The following PAXIP1 variants were observed in gnomAD, a reference collection of about 807,000 sequenced individuals.
PAXIP1 encodes the protein PAX-interacting protein 1.
Under a neutral mutation model 140.6 loss-of-function variants are expected in PAXIP1, and 19 were observed. That is an observed-to-expected ratio of 0.14 (90% CI 0.09 to 0.20). PAXIP1 has a LOEUF of 0.20. PAXIP1 is among the 10% of genes least tolerant of loss of function. The pLI, the probability that PAXIP1 is intolerant of heterozygous loss-of-function variation, is 1.00. For missense variants in PAXIP1, 920 were observed against 1,208.6 expected, an observed-to-expected ratio of 0.76 and a Z score of 3.54; for synonymous variants, 442 against 444.6, an observed-to-expected ratio of 0.99 and a Z score of 0.07.
intron 20 of PAXIP1, chr7:154,945,981 C>CA (rs1213153035): frequency 2.0e-6 from 2 of 984,932 alleles, no homozygotes; most frequent in Non-Finnish European, 2.4e-6. Flanking sequence ...TTCCTGAGTA[C>CA]AAAGACTATA....
At chr7:155,002,095 A>G (rs2150793933) in intron 1 of PAXIP1, 1 of 152,410 alleles carries the variant, frequency 6.6e-6, no homozygotes, top group Middle Eastern at 3.4e-3. Flanking sequence ...CATTCCTACC[A>G]CGGACTGATA....
In PAXIP1 at chr7:154,961,396, C is replaced by G. The variant is rs1341486718; in HGVS notation, c.2249+131G>C. On this transcript the variant is annotated intron_variant, in intron 11 of 20. Transcript: ENST00000404141. ...CTAACATTACTATATCATTGTCATACTTTAACAGACTTTGATTTCCACAAA... is the reference window on the plus strand; with the variant it reads ...CTAACATTACTATATCATTGTCATAGTTTAACAGACTTTGATTTCCACAAA... 4 of 711,316 alleles carry G rather than the reference C, an allele frequency of 5.6e-6. No homozygotes were observed. The East Asian group carries it at 8.2e-5, about 15-fold the overall frequency. 44.1% of individuals were successfully genotyped at this position (711,316 alleles called of 1,614,324 possible).
chr7:154,993,477 C>T (rs757081856), intron 3 of PAXIP1, among the ~76,000 whole-genome samples: 3 of 152,080 alleles, frequency 2.0e-5, no homozygotes, highest in African/African-American at 2.4e-5. Context: ...TGAAGAGAAC[C>T]GGAGCTCCTG....
At chr7:154,998,919 C>T (rs1810762333) in intron 1 of PAXIP1, 135 bp from the exon 2 acceptor site, 1 of 749,338 alleles carries the variant, frequency 1.3e-6, no homozygotes, top group Non-Finnish European at 2.1e-6. Context: ...AAACTAACAG[C>T]CTTTTACTCT....
Position 154,963,957 on chromosome 7 carries a change from C to A in PAXIP1, c.1894-191G>T. The A allele has an allele frequency of 1.8e-6, 1 of 557,322 alleles. No homozygotes were observed. Among genetic ancestry groups the A allele is most frequent in the Non-Finnish European group, 3.2e-6 (1 of 309,170 alleles). The allele number at this position is 557,322 out of a possible 1,614,324, so 34.5% of individuals were successfully genotyped here. A position where few individuals can be genotyped will look rare whatever the true frequency, so the allele number is the denominator to read the frequency against. On this transcript the variant is annotated intron_variant, in intron 8 of 20. Coordinates refer to ENST00000404141, the MANE Select transcript of PAXIP1 (RefSeq NM_007349.4). The surrounding 1 kb of genome is among the most constrained non-coding windows in gnomAD (Gnocchi z 4.1). ...AGCACCATACAATGAAAATGAACTC[C>A]AATACTCTAAATTTAATCTGAATTC...
chr7:154,975,587 G>C, intron 6 of PAXIP1, 109 bp downstream of exon 6: 1 of 690,126 alleles, frequency 1.4e-6, no homozygotes, highest in Admixed American at 2.8e-5. Context: ...AATACTGCTT[G>C]TAAGTTATTT....
chr7:154,961,465 T>G (rs1808751034), intron 11 of PAXIP1, 62 bp downstream of exon 11: 2 of 1,350,674 alleles, frequency 1.5e-6, no homozygotes, highest in Admixed American at 5.5e-5. Flanking sequence ...GCACAATTAT[T>G]GAAATAGCCA....
rs1243574385 is a variant in PAXIP1, at chr7:154,976,257, T to A, written c.513A>T (p.Ser171=). ...ATGCTTCGTCCTTTTTGGTTTTCTC[T>A]GATACGCAATCCAGAACCCAGTCAG... The part of the protein sequence containing the change: ...VTPDWVLDCV[S]EKTKKDEAFY... Residue 171 remains serine (S), a synonymous_variant, in exon 6 of 21, where the codon TCA becomes TCT. Coordinates refer to ENST00000404141, the MANE Select transcript of PAXIP1 (RefSeq NM_007349.4). The A allele has an allele frequency of 1.2e-6, 2 of 1,613,990 alleles. No individual in the cohort carries two copies. The highest frequency in any genetic ancestry group is 1.7e-6 in the Non-Finnish European group (2 of 1,179,886).
In PAXIP1 at chr7:154,976,092, C is replaced by T. The variant is rs939698929; in HGVS notation, c.678G>A (p.Gly226=). Residue 226 remains glycine (G), a synonymous_variant, in exon 6 of 21, where the codon GGG becomes GGA. Transcript: ENST00000404141. ...AAAACTGCTGGTCACCTGAAGGAGA[C>T]CCTTCTTGAGAGCTGGCAGGGCTTG... is the stretch of plus-strand genomic sequence containing the variant. The part of the protein sequence containing the change: ...EKSSPASSQE[G]SPSGDQQFSP... The T allele has an allele frequency of 6.3e-7, 1 of 1,576,346 alleles. No individual in the cohort carries two copies. The highest frequency in any genetic ancestry group is 8.6e-7 in the Non-Finnish European group (1 of 1,159,266).
chr7:154,988,895 T>G (rs750389482), intron 4 of PAXIP1, among the ~76,000 whole-genome samples: 7 of 152,246 alleles, frequency 4.6e-5, no homozygotes, highest in Non-Finnish European at 8.8e-5. Flanking sequence ...AAAACTTTTC[T>G]GATAAGTTGA....
In PAXIP1 at chr7:154,979,669, ATAAT is replaced by A. The variant is rs1363005313; in HGVS notation, c.439-3342_439-3339del. Among the ~76,000 whole-genome samples the A allele has an allele frequency of 3.3e-5, 5 of 150,648 alleles. No homozygotes were observed. The East Asian group carries it at 9.7e-4, about 29-fold the overall frequency. Reference sequence around the variant, plus strand: ...TATTATGTTAATTATAATGTAAATAATAATTAATATAATTAATATAACCATTTTG... The same window carrying A: ...TATTATGTTAATTATAATGTAAATAATAATATAATTAATATAACCATTTTG... On this transcript the variant is annotated intron_variant, in intron 5 of 20. Transcript: ENST00000404141.
intron 20 of PAXIP1, 181 bp from the exon 21 acceptor site, chr7:154,944,345 G>A (rs1807827038): frequency 9.5e-6 from 5 of 525,994 alleles, no homozygotes; most frequent in Admixed American, 3.3e-5. Flanking sequence ...CCTCAGCCCC[G>A]ACACACAGGC....
intron 5 of PAXIP1, among the ~76,000 whole-genome samples, chr7:154,978,587 C>G (rs886802351): frequency 3.3e-5 from 5 of 152,130 alleles, no homozygotes; most frequent in African/African-American, 1.2e-4. Flanking sequence ...TCTGGACTAC[C>G]CATTCCAGAA....
chr7:154,961,742 T>C, intron 10 of PAXIP1, 94 bp from the exon 11 acceptor site: 1 of 1,093,084 alleles, frequency 9.1e-7, no homozygotes, highest in South Asian at 1.6e-5. Context: ...TACATATTTT[T>C]TCACTATTTC....
In PAXIP1 at chr7:154,944,098, A is replaced by C. The variant is rs575998054; in HGVS notation, c.*51T>G. On this transcript the variant is annotated 3_prime_UTR_variant, in exon 21 of 21. Coordinates refer to ENST00000404141, the MANE Select transcript of PAXIP1 (RefSeq NM_007349.4). ...AGCGCAGCAGCTCCTCGCCAGCCAG[A>C]CAGCCAGCCCCGCACCGCAGGAGTC... The C allele has an allele frequency of 1.4e-4, 222 of 1,602,706 alleles. 1 individual carries two copies. The highest frequency in any genetic ancestry group is 4.5e-4 in the Admixed American group (27 of 59,610).
At chr7:154,975,373 T>C (rs781306822) in intron 6 of PAXIP1, among the ~76,000 whole-genome samples, 23 of 152,184 alleles carry the variant, frequency 1.5e-4, no homozygotes, top group African/African-American at 1.9e-4. Flanking sequence ...TTTGCTGCCA[T>C]TGCTAATTTT....
rs373303357 is a variant in PAXIP1 at position 154,960,876 on chromosome 7, T to C, written c.2434+17A>G. The stretch of plus-strand genomic sequence containing the variant: ...TTTTATTTAAGTAAGATTTGCAGCA[T>C]GTAGAATTTCACTTACCTAAAAGAT... On this transcript the variant is annotated intron_variant, in intron 12 of 20. Coordinates refer to ENST00000404141, the MANE Select transcript of PAXIP1 (RefSeq NM_007349.4). 20 of 1,515,798 alleles carry C rather than the reference T, an allele frequency of 1.3e-5. No homozygotes were observed. The African/African-American group carries it at 2.4e-4, about 18-fold the overall frequency. The allele number at this position is 1,515,798 out of a possible 1,614,324, so 93.9% of individuals were successfully genotyped here.
At position 154,957,266 on chromosome 7, in the gene PAXIP1, T is replaced by C. The variant is rs878877292; in HGVS notation, c.2507A>G (p.Gln836Arg). 3 of 1,607,262 alleles carry C rather than the reference T, an allele frequency of 1.9e-6. No individual in the cohort carries two copies. The highest frequency in any genetic ancestry group is 3.4e-5 in the Admixed American group (2 of 59,612). ...AGGCTGGACATTAGCTACTTCATTC[T>C]GTTTCAGTTTGGGAGGTAGTCTTAT... Reference protein sequence around the residue: ...MSIRLPPKLKQNEVANVQPSS... With the variant: ...MSIRLPPKLKRNEVANVQPSS... The change falls in exon 14 of 21, where the codon CAG (glutamine) becomes CGG (arginine). Residue 836 changes from glutamine (Q) to arginine (R), a missense_variant. Physicochemically the swap from Gln to Arg is conservative, Grantham distance 43. Coordinates refer to ENST00000404141, the MANE Select transcript of PAXIP1 (RefSeq NM_007349.4).
chr7:154,989,242 G>A (rs548972248), intron 4 of PAXIP1, among the ~76,000 whole-genome samples: 1 of 152,302 alleles, frequency 6.6e-6, no homozygotes, highest in South Asian at 2.1e-4. Flanking sequence ...GATGGATCAA[G>A]TTCAGACCGG....
Sources: allele counts gnomAD v4.1 joint callset (sites outside exome capture counted in the v4.1 genomes callset), GRCh38; gene constraint gnomAD v4.1.1; non-coding constraint Gnocchi (gnomAD v3.1); transcripts MANE v1.5; gene names NCBI Gene and HGNC (gene_info 2026-07-23, HGNC 2026-07-21).